DNAH7: variants seen among roughly 807,000 people sequenced by gnomAD.
DNAH7 encodes the protein dynein axonemal heavy chain 7.
A neutral mutation model predicts 444.6 loss-of-function variants in DNAH7; 397 were observed. That is an observed-to-expected ratio of 0.89 (90% confidence interval 0.82 to 0.97). DNAH7 has a LOEUF of 0.97. Among genes scored for constraint, DNAH7 ranks in the 50% least tolerant of loss-of-function variants. DNAH7 has a pLI of 0.00. For synonymous variants in DNAH7, 1,636 were observed against 1,624.4 expected, an observed-to-expected ratio of 1.01 and a Z score of -0.17; for missense variants, 4,902 against 4,800.8, an observed-to-expected ratio of 1.02 and a Z score of -0.62.
intron 8 of DNAH7, among the ~76,000 whole-genome samples, chr2:196,019,756 A>C (rs1377479137): frequency 6.6e-6 from 1 of 152,210 alleles, no homozygotes; most frequent in African/African-American, 2.4e-5. Flanking sequence ...ATCCCCTTGA[A>C]CTTTACCCCG....
intron 1 of DNAH7, among the ~76,000 whole-genome samples, chr2:196,062,889 TTTTG>T (rs1190052222): frequency 2.0e-4 from 31 of 152,226 alleles, no homozygotes; most frequent in Admixed American, 4.6e-4. Flanking sequence ...TGTTTTTGTT[TTTTG>T]TTTGTTTGAC....
intron 47 of DNAH7, among the ~76,000 whole-genome samples, chr2:195,841,972 A>C (rs529436374): frequency 6.6e-6 from 1 of 152,196 alleles, no homozygotes; most frequent in African/African-American, 2.4e-5. Flanking sequence ...AAGCAGCAAT[A>C]CATTTCAGAG....
At chr2:195,785,345 G>T (rs1390568604) in intron 58 of DNAH7, among the ~76,000 whole-genome samples, 5 of 152,202 alleles carry the variant, frequency 3.3e-5, no homozygotes, top group African/African-American at 1.2e-4. Context: ...GTGTGTGTGT[G>T]TTTTTAATTT....
chr2:195,791,937 A>T (rs1695895027), intron 57 of DNAH7, among the ~76,000 whole-genome samples: 1 of 152,142 alleles, frequency 6.6e-6, no homozygotes, highest in African/African-American at 2.4e-5. Flanking sequence ...AAGGCCAAGG[A>T]GGGCGGACCA....
intron 19 of DNAH7, among the ~76,000 whole-genome samples, chr2:195,951,886 T>C (rs1180716747): frequency 1.3e-5 from 2 of 152,204 alleles, no homozygotes; most frequent in African/African-American, 4.8e-5. Context: ...CTTTATCCAA[T>C]GTGACAGTCT....
intron 59 of DNAH7, among the ~76,000 whole-genome samples, chr2:195,776,424 G>C (rs139804512): frequency 9.1e-4 from 137 of 150,546 alleles, no homozygotes; most frequent in African/African-American, 3.3e-3. Flanking sequence ...GCCTGGGCGA[G>C]AAGAGTGAAA....
intron 10 of DNAH7, among the ~76,000 whole-genome samples, chr2:196,009,478 AGT>A (rs1694597029): frequency 1.3e-5 from 2 of 152,210 alleles, no homozygotes; most frequent in Non-Finnish European, 2.9e-5. Flanking sequence ...AACTTGGCCT[AGT>A]AATGGTTCAC....
At chr2:196,038,798 T>C (rs1466655066) in intron 5 of DNAH7, among the ~76,000 whole-genome samples, 2 of 152,184 alleles carry the variant, frequency 1.3e-5, no homozygotes, top group African/African-American at 4.8e-5. Flanking sequence ...AGGAGGTCAT[T>C]ATATAATGAA....
intron 51 of DNAH7, among the ~76,000 whole-genome samples, chr2:195,810,490 C>T (rs1434431354): frequency 6.6e-6 from 1 of 152,168 alleles, no homozygotes; most frequent in East Asian, 1.9e-4. Context: ...TGGCTCACTG[C>T]AACCTCCACC....
chr2:196,051,825 A>C (rs1382773219), intron 2 of DNAH7, among the ~76,000 whole-genome samples: 1 of 152,144 alleles, frequency 6.6e-6, no homozygotes, highest in Admixed American at 6.5e-5. Flanking sequence ...GACACTCACC[A>C]ATCAAAACTC....
At chr2:195,934,499 G>T in intron 21 of DNAH7, 92 bp downstream of exon 21, 1 of 1,351,284 alleles carries the variant, frequency 7.4e-7, no homozygotes, top group Non-Finnish European at 1.0e-6. Context: ...CTCCATTTCT[G>T]TTTAAATAAC....
chr2:195,882,995 G>T (rs552498518), intron 35 of DNAH7, among the ~76,000 whole-genome samples: 2 of 152,254 alleles, frequency 1.3e-5, no homozygotes, highest in East Asian at 1.9e-4. Context: ...GTACAGCAGA[G>T]AATTTTTTTT....
chr2:195,898,122 GAA>G (rs1004535260), intron 28 of DNAH7, among the ~76,000 whole-genome samples: 1 of 152,146 alleles, frequency 6.6e-6, no homozygotes, highest in African/African-American at 2.4e-5. Context: ...CTGGTCAAAT[GAA>G]AATTATTAAA....
chr2:195,875,069 C>T (rs539655610), intron 38 of DNAH7, among the ~76,000 whole-genome samples: 42 of 152,226 alleles, frequency 2.8e-4, no homozygotes, highest in African/African-American at 1.0e-3. Context: ...TTAGACACCC[C>T]AGCATTAAAA....
At chr2:195,763,315 T>C (rs1694433076) in intron 61 of DNAH7, among the ~76,000 whole-genome samples, 1 of 152,026 alleles carries the variant, frequency 6.6e-6, no homozygotes, top group African/African-American at 2.4e-5. Flanking sequence ...TACCTAATGA[T>C]ATATCTTAAA....
chr2:195,983,753 C>G (rs1262416911), intron 15 of DNAH7, among the ~76,000 whole-genome samples: 1 of 151,996 alleles, frequency 6.6e-6, no homozygotes, highest in African/African-American at 2.4e-5. Context: ...AATTCTATGC[C>G]TAAATATAGC....
intron 49 of DNAH7, 135 bp from the exon 50 acceptor site, chr2:195,817,964 G>GA: frequency 1.7e-6 from 1 of 593,734 alleles, no homozygotes; most frequent in Non-Finnish European, 2.7e-6. Context: ...GTAATTTGTA[G>GA]AGACTATGAT....
In DNAH7 at chr2:195,970,104, A is replaced by G; in HGVS notation, c.2059-10T>C. On this transcript the variant is annotated splice_polypyrimidine_tract_variant and intron_variant, in intron 16 of 64. Transcript: ENST00000312428. ...ACCGTTCACACCGTAACTAATAAAA[A>G]CAATTTGTTGTTAATATTCTTAAAA... 1 of 1,587,268 alleles carries G rather than the reference A, an allele frequency of 6.3e-7. No homozygotes were observed. The highest frequency in any genetic ancestry group is 1.2e-5 in the South Asian group (1 of 84,692).
chr2:195,996,979 T>C (rs1223478954), intron 12 of DNAH7, among the ~76,000 whole-genome samples: 2 of 152,198 alleles, frequency 1.3e-5, no homozygotes, highest in African/African-American at 4.8e-5. Context: ...ATCCCACCAC[T>C]GTTTCCCACC....
Sources: allele counts gnomAD v4.1 joint callset (sites outside exome capture counted in the v4.1 genomes callset), GRCh38; gene constraint gnomAD v4.1.1; transcripts MANE v1.5; gene names NCBI Gene and HGNC (gene_info 2026-07-23, HGNC 2026-07-21).